Variants in AOAH observed in about 807,000 individuals in gnomAD.
AOAH encodes acyloxyacyl hydrolase.
A neutral mutation model predicts 92.2 loss-of-function variants in AOAH; 64 were observed. The observed-to-expected ratio is 0.69, with a 90% confidence interval of 0.57 to 0.86. AOAH has a LOEUF of 0.86. Among genes scored for constraint, AOAH ranks in the 40% least tolerant of loss-of-function variants. The pLI is 0.00. For synonymous variants in AOAH, 263 were observed against 254.5 expected, an observed-to-expected ratio of 1.03 and a Z score of -0.32; for missense variants, 656 against 694.6, an observed-to-expected ratio of 0.94 and a Z score of 0.62.
In AOAH at chr7:36,720,140, T is replaced by G. The variant is rs997885128; in HGVS notation, c.127+3882A>C. ...TAGAAATGTTTCTAGAATTCTAAAG[T>G]TTTTTTTTTTGTTTTGTTTTGTTTT... On this transcript the variant is annotated intron_variant, in intron 1 of 20. Transcript: ENST00000617537. Among the ~76,000 whole-genome samples the G allele has an allele frequency of 8.0e-5, 8 of 100,542 alleles. No individual in the cohort carries two copies. The East Asian group carries it at 1.9e-3, about 24-fold the overall frequency. The allele number at this position is 100,542 out of a possible 152,430, so 66.0% of individuals were successfully genotyped here.
At chr7:36,705,168 A>G (rs558234859) in intron 1 of AOAH, among the ~76,000 whole-genome samples, 3 of 152,120 alleles carry the variant, frequency 2.0e-5, no homozygotes, top group African/African-American at 7.2e-5. Context: ...AGAAATAGAT[A>G]CTCAAACAGA....
At chr7:36,715,627 A>C (rs1200449283) in intron 1 of AOAH, among the ~76,000 whole-genome samples, 1 of 149,288 alleles carries the variant, frequency 6.7e-6, no homozygotes, top group Non-Finnish European at 1.5e-5. Context: ...CAAAACAGAG[A>C]TATAGACCAA....
chr7:36,621,918 C>T lies in AOAH; in HGVS notation c.583-138G>A, dbSNP rs1792310100. ...TTCAATCTAGGATCACTAAAGAGCA[C>T]TAAGAAAATTAAGATTAATATGATA... On this transcript the variant is annotated intron_variant, in intron 7 of 20. Transcript: ENST00000617537. The T allele has an allele frequency of 2.0e-5, 15 of 745,034 alleles. 1 individual carries two copies. Among genetic ancestry groups the T allele is most frequent in the Non-Finnish European group, 3.1e-5 (13 of 420,882 alleles). The allele number at this position is 745,034 out of a possible 1,614,324, so 46.2% of individuals were successfully genotyped here.
Position 36,659,226 on chromosome 7 carries a change from A to G in AOAH, c.330T>C (p.Thr110=), listed in dbSNP as rs1389971965. Residue 110 remains threonine (T), a synonymous_variant, in exon 4 of 21, where the codon ACT becomes ACC. Transcript: ENST00000617537. ...ADMNADVVCH[T]LEFCKQNTGQ... is the part of the protein sequence containing the mutation. ...CAGTGTTCTGTTTACAAAACTCCAG[A>G]GTGTGACATACCACATCAGCATTCA... The G allele has an allele frequency of 6.2e-7, 1 of 1,614,126 alleles. No homozygotes were observed. The highest frequency in any genetic ancestry group is 8.5e-7 in the Non-Finnish European group (1 of 1,179,982).
intron 2 of AOAH, among the ~76,000 whole-genome samples, chr7:36,679,898 C>T (rs192772833): frequency 1.5e-3 from 231 of 152,208 alleles, no homozygotes; most frequent in African/African-American, 5.4e-3. Flanking sequence ...TCTTGTGATC[C>T]GCCCGCCTTG....
At chr7:36,656,713 T>G (rs903358445) in intron 4 of AOAH, among the ~76,000 whole-genome samples, 1 of 151,706 alleles carries the variant, frequency 6.6e-6, no homozygotes, top group African/African-American at 2.4e-5. Flanking sequence ...TGACTTTTTT[T>G]TGTGCGACCT....
chr7:36,606,133 A>G (rs1417150308), intron 11 of AOAH, among the ~76,000 whole-genome samples: 1 of 152,224 alleles, frequency 6.6e-6, no homozygotes, highest in African/African-American at 2.4e-5. Context: ...TAGAATTCCC[A>G]TATTTTGTAT....
chr7:36,553,429 T>C (rs539203686), intron 13 of AOAH, among the ~76,000 whole-genome samples: 70 of 151,642 alleles, frequency 4.6e-4, no homozygotes, highest in African/African-American at 1.6e-3. Context: ...CTATTGTGAA[T>C]AGTGCCGCAA....
In AOAH at chr7:36,621,764, T is replaced by C; in HGVS notation, c.599A>G (p.His200Arg). 6.2e-7 allele frequency: 1 copy of C among 1,614,108 alleles called. No homozygotes were observed. Among genetic ancestry groups the C allele is most frequent in the South Asian group, 1.1e-5 (1 of 91,080 alleles). Residue 200 changes from histidine to arginine, a missense_variant, in exon 8 of 21, where the codon CAC (histidine) becomes CGC (arginine). Transcript: ENST00000617537. Reference protein sequence around the residue: ...YSVFPTLRGYHWRGRDCNDSD... With the variant: ...YSVFPTLRGYRWRGRDCNDSD... Reference sequence around the variant, plus strand: ...GTCATTACAGTCTCTCCCCCGCCAGTGATAGCCCCGCAGTGTCTGAAATTG... The same window carrying C: ...GTCATTACAGTCTCTCCCCCGCCAGCGATAGCCCCGCAGTGTCTGAAATTG...
chr7:36,628,403 C>A (rs1260398209), intron 6 of AOAH, among the ~76,000 whole-genome samples: 1 of 152,176 alleles, frequency 6.6e-6, no homozygotes, highest in Non-Finnish European at 1.5e-5. Flanking sequence ...ATGGTCATAG[C>A]CTGATAGCTA....
chr7:36,718,221 A>G (rs1450803133), intron 1 of AOAH, among the ~76,000 whole-genome samples: 1 of 152,216 alleles, frequency 6.6e-6, no homozygotes, highest in Non-Finnish European at 1.5e-5. Context: ...TAACATCATT[A>G]TCATTTGGGA....
chr7:36,698,752 A>T (rs1164114749), intron 1 of AOAH, among the ~76,000 whole-genome samples: 10 of 152,182 alleles, frequency 6.6e-5, no homozygotes, highest in Non-Finnish European at 1.5e-4. Flanking sequence ...TTTAAAGATA[A>T]ATCAGTGTAA....
intron 11 of AOAH, among the ~76,000 whole-genome samples, chr7:36,611,695 A>G (rs2115883458): frequency 6.6e-6 from 1 of 152,322 alleles, no homozygotes; most frequent in Non-Finnish European, 1.5e-5. Flanking sequence ...AAGCAGGAAC[A>G]GGGAGGACAA....
At chr7:36,556,835 T>A (rs1786765174) in intron 13 of AOAH, among the ~76,000 whole-genome samples, 1 of 148,772 alleles carries the variant, frequency 6.7e-6, no homozygotes, top group Non-Finnish European at 1.5e-5. Context: ...TCCATTTGCT[T>A]GGTAGATCTT....
intron 15 of AOAH, among the ~76,000 whole-genome samples, chr7:36,544,572 T>C (rs2116253384): frequency 6.6e-6 from 1 of 152,106 alleles, no homozygotes; most frequent in South Asian, 2.1e-4. Flanking sequence ...ACAGAGAAGA[T>C]GTGAAAACCA....
At chr7:36,654,975 A>G (rs1226457116) in intron 4 of AOAH, among the ~76,000 whole-genome samples, 1 of 152,258 alleles carries the variant, frequency 6.6e-6, no homozygotes, top group Non-Finnish European at 1.5e-5. Flanking sequence ...AAATGAGATC[A>G]CGCACGTTAA....
At chr7:36,616,009 C>T (rs746976073) in intron 11 of AOAH, among the ~76,000 whole-genome samples, 1 of 152,196 alleles carries the variant, frequency 6.6e-6, no homozygotes, top group Non-Finnish European at 1.5e-5. Flanking sequence ...GAGCAGCCTG[C>T]TCTGCCCAGA....
rs540502288 is a variant in AOAH at position 36,620,275 on chromosome 7, T to C, written c.702+506A>G. ...AGTTTGGCTTTCCTCTTTTCTTCCC[T>C]TTTCTTTCCCCGGGAGCTGCAAATC... On this transcript the variant is annotated intron_variant, in intron 9 of 20. Transcript: ENST00000617537. Among the ~76,000 whole-genome samples the C allele has an allele frequency of 3.9e-5, 6 of 152,328 alleles. No individual in the cohort carries two copies. The East Asian group carries it at 1.2e-3, about 29-fold the overall frequency.
intron 1 of AOAH, among the ~76,000 whole-genome samples, chr7:36,714,508 G>A (rs1234724100): frequency 1.3e-5 from 2 of 152,096 alleles, no homozygotes; most frequent in South Asian, 2.1e-4. Context: ...ACCAAAGCCT[G>A]GCAGAGACAC....
Sources: gnomAD v4.1 joint callset for allele counts (sites outside exome capture counted in the v4.1 genomes callset) on GRCh38, gnomAD v4.1.1 for gene constraint, MANE v1.5 for transcripts, NCBI Gene and HGNC (gene_info 2026-07-23, HGNC 2026-07-21) for gene names.